SMYD1: variants seen among roughly 807,000 people sequenced by gnomAD.
SMYD1 encodes SET and MYND domain containing 1, also known as histone-lysine N-methyltransferase SMYD1.
A neutral mutation model predicts 54.0 loss-of-function variants in SMYD1; 49 were observed. The observed-to-expected ratio is 0.91, with a 90% CI of 0.72 to 1.15. The LOEUF (loss-of-function observed/expected upper bound fraction) is 1.15, where lower values mean the gene tolerates loss of function less well. SMYD1 is among the 50% of genes most tolerant of loss of function. The pLI is 0.00. For missense variants in SMYD1, 653 were observed against 639.6 expected (o/e 1.02, Z -0.23); for synonymous variants, 269 against 234.2 (o/e 1.15, Z -1.36).
rs758179253 is a variant in SMYD1, at chr2:88,106,434, T to C, written c.1091T>C (p.Leu364Pro). The C allele has an allele frequency of 2.5e-6, 4 of 1,614,032 alleles. No homozygotes were observed. The highest frequency in any genetic ancestry group is 2.5e-6 in the Non-Finnish European group (3 of 1,180,030). ...LSIVSEVLSY[L>P]QAFEEASFYA... Reference sequence around the variant, plus strand: ...ATTGTTTCGGAGGTCCTTTCCTACCTCCAGGCCTTTGAGGAGGCCTCGTTC... The same window carrying C: ...ATTGTTTCGGAGGTCCTTTCCTACCCCCAGGCCTTTGAGGAGGCCTCGTTC... Residue 364 changes from leucine to proline, a missense_variant, in exon 8 of 10, where the codon CTC becomes CCC. Transcript: ENST00000419482.
At chr2:88,106,220 G>A in intron 7 of SMYD1, 105 bp from the exon 8 acceptor site, 2 of 1,455,960 alleles carry the variant, frequency 1.4e-6, no homozygotes, top group Non-Finnish European at 1.9e-6. Context: ...AATTGCCCCA[G>A]TCTTAAAAAG....
rs61748137 is a variant in SMYD1, at chr2:88,084,451, G to C, written c.273G>C (p.Ser91=). Residue 91 remains serine (S), a synonymous_variant, in exon 2 of 10, where the codon TCG becomes TCC. Coordinates refer to ENST00000419482, the MANE Select transcript of SMYD1 (RefSeq NM_198274.4). Reference sequence around the variant, plus strand: ...GGCTGAACCACAAGAATGAATGTTCGGCCATCAAGAGATATGGGAAGGTGC... The same window carrying C: ...GGCTGAACCACAAGAATGAATGTTCCGCCATCAAGAGATATGGGAAGGTGC... ...DAWLNHKNEC[S]AIKRYGKVPN... 2 of 1,603,464 alleles carry C rather than the reference G, an allele frequency of 1.2e-6. No individual in the cohort carries two copies. Among genetic ancestry groups the C allele is most frequent in the Non-Finnish European group, 1.7e-6 (2 of 1,171,472 alleles).
At chr2:88,098,059 C>T (rs954884603) in intron 6 of SMYD1, among the ~76,000 whole-genome samples, 29 of 152,234 alleles carry the variant, frequency 1.9e-4, no homozygotes, top group Admixed American at 3.9e-4. Flanking sequence ...GCATCATGGG[C>T]GCTACAGAAA....
rs72941451 is a variant in SMYD1, at chr2:88,100,363, A to G, written c.889-2695A>G. Among the ~76,000 whole-genome samples the G allele has an allele frequency of 4.0e-3, 615 of 152,336 alleles. 6 individuals carry two copies. The highest frequency in any genetic ancestry group is 0.014 in the African/African-American group (572 of 41,590). On this transcript the variant is annotated intron_variant, in intron 6 of 9. Transcript: ENST00000419482. ...CCCTTACATCATCAAATTGAGCAAGACTTTGATGAACACTTAACCAGTTAG... is the reference window on the plus strand; with the variant it reads ...CCCTTACATCATCAAATTGAGCAAGGCTTTGATGAACACTTAACCAGTTAG...
intron 6 of SMYD1, among the ~76,000 whole-genome samples, chr2:88,097,976 C>A (rs1241502298): frequency 6.6e-6 from 1 of 152,280 alleles, no homozygotes; most frequent in South Asian, 2.1e-4. Context: ...ATAGGAACAA[C>A]CTCTTTTCAG....
chr2:88,106,608 T>A, intron 8 of SMYD1, 120 bp downstream of exon 8: 1 of 1,015,548 alleles, frequency 9.8e-7, no homozygotes, highest in Admixed American at 2.4e-5. Context: ...GCGTCAGTAA[T>A]CCATCATGGT....
intron 1 of SMYD1, among the ~76,000 whole-genome samples, chr2:88,080,225 A>G (rs537451226): frequency 1.4e-5 from 2 of 140,192 alleles, no homozygotes; most frequent in African/African-American, 2.5e-5. Flanking sequence ...AAAGATGAAG[A>G]CTCAAAATTT....
rs754781643 is a variant in SMYD1 at position 88,075,452 on chromosome 2, T to C, written c.137+7451T>C. Among the ~76,000 whole-genome samples, 5 of 151,906 alleles carry C rather than the reference T, an allele frequency of 3.3e-5. No homozygotes were observed. In the East Asian group the frequency reaches 7.7e-4, roughly 23 times the overall value. On this transcript the variant is annotated intron_variant, in intron 1 of 9. Transcript: ENST00000419482. ...GCTGTGGCAGAGAAAATCTTGAGAATTGATGTTTTAATAAAAAAAGGGATG... is the reference window on the plus strand; with the variant it reads ...GCTGTGGCAGAGAAAATCTTGAGAACTGATGTTTTAATAAAAAAAGGGATG...
At position 88,110,699 on chromosome 2, in the gene SMYD1, A is replaced by G; in HGVS notation, c.*187A>G. 1.6e-6 allele frequency: 1 copy of G among 631,194 alleles called. No individual in the cohort carries two copies. Among genetic ancestry groups the G allele is most frequent in the Non-Finnish European group, 2.5e-6 (1 of 394,172 alleles). 39.1% of individuals were successfully genotyped at this position (631,194 alleles called of 1,614,324 possible). ...AATTCAAGTCTATTCAATTCAAGTT[A>G]ACTCTAGCCCAGCCCAGATCAACTC... On this transcript the variant is annotated 3_prime_UTR_variant, in exon 10 of 10. Transcript: ENST00000419482.
intron 1 of SMYD1, among the ~76,000 whole-genome samples, chr2:88,069,664 T>C (rs1673904709): frequency 6.6e-6 from 1 of 152,160 alleles, no homozygotes; most frequent in Non-Finnish European, 1.5e-5. Context: ...GGGCTTTCAT[T>C]CCATTATAAA....
At chr2:88,096,214 C>T (rs542196708) in intron 5 of SMYD1, among the ~76,000 whole-genome samples, 2 of 152,248 alleles carry the variant, frequency 1.3e-5, no homozygotes, top group South Asian at 2.1e-4. Flanking sequence ...TAGGTTTTTT[C>T]TTGTTTGGAG....
chr2:88,067,888 C>T lies in SMYD1; in HGVS notation c.24C>T (p.Asn8=), dbSNP rs776264865. 22 of 1,613,862 alleles carry T rather than the reference C, an allele frequency of 1.4e-5. No individual in the cohort carries two copies. Among genetic ancestry groups the T allele is most frequent in the South Asian group, 9.9e-5 (9 of 91,074 alleles). MTIGRME[N]VEVFTAEGKG... Reference sequence around the variant, plus strand: ...AGATGACAATAGGGAGAATGGAGAACGTGGAGGTCTTCACCGCTGAGGGCA... The same window carrying T: ...AGATGACAATAGGGAGAATGGAGAATGTGGAGGTCTTCACCGCTGAGGGCA... Residue 8 remains asparagine, a synonymous_variant, in exon 1 of 10, where the codon AAC becomes AAT. Transcript: ENST00000419482.
chr2:88,110,200 A>AGAGTGT (rs139694354), intron 9 of SMYD1, among the ~76,000 whole-genome samples, 154 bp from the exon 10 acceptor site: 1,698 of 139,034 alleles, frequency 0.012, 22 homozygotes, highest in South Asian at 0.048. Context: ...TTGATGAATG[A>AGAGTGT]GTGTGTGTGT....
chr2:88,069,191 T>G (rs1673895923), intron 1 of SMYD1, among the ~76,000 whole-genome samples: 1 of 152,194 alleles, frequency 6.6e-6, no homozygotes, highest in Admixed American at 6.5e-5. Flanking sequence ...CTGCTTGACA[T>G]CTATGTGGTT....
intron 6 of SMYD1, among the ~76,000 whole-genome samples, chr2:88,102,813 A>C (rs1022586683): frequency 2.0e-5 from 3 of 152,216 alleles, no homozygotes; most frequent in African/African-American, 7.2e-5. Flanking sequence ...GAATTTGCAC[A>C]GGCTGGGATG....
At chr2:88,074,249 G>T (rs1674009868) in intron 1 of SMYD1, among the ~76,000 whole-genome samples, 1 of 152,198 alleles carries the variant, frequency 6.6e-6, no homozygotes. Context: ...TATAGTTCTG[G>T]AGGTTAGAAG....
rs969615460 is a variant in SMYD1 at position 88,113,002 on chromosome 2, C to T, written c.*2490C>T. On this transcript the variant is annotated 3_prime_UTR_variant, in exon 10 of 10. Transcript: ENST00000419482. ...ATTCCCCGATCTTGCATTTGAGCTC[C>T]AGCCCCACTCATCCTCTCGGATGTT... 6.6e-6 allele frequency: 1 copy of T among 152,208 alleles called. No homozygotes were observed. Among genetic ancestry groups the T allele is most frequent in the African/African-American group, 2.4e-5 (1 of 41,440 alleles). The allele number at this position is 152,208 out of a possible 1,614,324, so 9.4% of individuals were successfully genotyped here. A position where few individuals can be genotyped will look rare whatever the true frequency, so the allele number is the denominator to read the frequency against.
chr2:88,096,710 T>C lies in SMYD1; in HGVS notation c.814T>C (p.Phe272Leu), dbSNP rs915012109. Reference protein sequence around the residue: ...RKRQLKKQYYFDCTCEHCQKK... With the variant: ...RKRQLKKQYYLDCTCEHCQKK... ...GAGGCAGCTGAAGAAGCAGTACTAC[T>C]TTGACTGCACATGTGAACACTGCCA... The change falls in exon 6 of 10, where the codon TTT becomes CTT. Residue 272 changes from phenylalanine (F) to leucine (L), a missense_variant. Physicochemically the swap from Phe to Leu is conservative, Grantham distance 22 (BLOSUM62 0). Coordinates refer to ENST00000419482, the MANE Select transcript of SMYD1 (RefSeq NM_198274.4). 11 of 1,614,102 alleles carry C rather than the reference T, an allele frequency of 6.8e-6. No individual in the cohort carries two copies. The East Asian group carries it at 1.6e-4, about 23-fold the overall frequency.
In SMYD1 at chr2:88,084,376, G is replaced by A. The variant is rs754467052; in HGVS notation, c.198G>A (p.Gly66=). 6.2e-7 allele frequency: 1 copy of A among 1,604,060 alleles called. No individual in the cohort carries two copies. The highest frequency in any genetic ancestry group is 8.5e-7 in the Non-Finnish European group (1 of 1,171,694). The change falls in exon 2 of 10, where the codon GGG becomes GGA. Residue 66 remains glycine, a synonymous_variant. Transcript: ENST00000419482. The part of the protein sequence containing the change: ...FKRQEKLHRC[G]QCKFAHYCDR... ...GGCAGGAGAAGCTCCATCGCTGTGG[G>A]CAGTGCAAGTTTGCCCATTACTGCG...
Sources: allele counts gnomAD v4.1 joint callset (sites outside exome capture counted in the v4.1 genomes callset), GRCh38; gene constraint gnomAD v4.1.1; transcripts MANE v1.5; gene names NCBI Gene and HGNC (gene_info 2026-07-23, HGNC 2026-07-21).